Variants in FAF2 observed in about 807,000 individuals in gnomAD.
FAF2 encodes Fas associated factor family member 2.
FAF2 carries 9 observed loss-of-function variants against 62.3 expected under a neutral mutation model. The observed-to-expected ratio is 0.14, with a 90% CI of 0.09 to 0.25. FAF2 has a LOEUF of 0.25. Ranked by LOEUF, FAF2 falls within the 10% of genes least tolerant of loss-of-function variation. FAF2 has a pLI of 1.00. For synonymous variants in FAF2, 202 were observed against 198.0 expected, an observed-to-expected ratio of 1.02 and a Z score of -0.17; for missense variants, 368 against 556.2, an observed-to-expected ratio of 0.66 and a Z score of 3.40.
intron 9 of FAF2, among the ~76,000 whole-genome samples, chr5:176,499,526 T>C (rs1023772663): frequency 6.6e-6 from 1 of 152,210 alleles, no homozygotes; most frequent in Non-Finnish European, 1.5e-5. Context: ...TTTTGTTCCC[T>C]AGCAATCAGA....
At chr5:176,485,769 G>T (rs1758864948) in intron 2 of FAF2, among the ~76,000 whole-genome samples, 1 of 151,628 alleles carries the variant, frequency 6.6e-6, no homozygotes, top group Non-Finnish European at 1.5e-5. Flanking sequence ...TCGTTTCATT[G>T]CCCTGGCTGG....
chr5:176,498,837 A>G (rs1755542765), intron 8 of FAF2, 77 bp from the exon 9 acceptor site: 8 of 1,346,580 alleles, frequency 5.9e-6, no homozygotes, highest in Non-Finnish European at 6.9e-6. Context: ...ACACACACAC[A>G]GAAGATTTCA....
At chr5:176,503,793 C>T (rs1755633615) in intron 10 of FAF2, among the ~76,000 whole-genome samples, 1 of 152,152 alleles carries the variant, frequency 6.6e-6, no homozygotes. Context: ...TTTTTCTGTC[C>T]ATTGCAAACC....
intron 8 of FAF2, among the ~76,000 whole-genome samples, chr5:176,498,079 G>A (rs1755529005): frequency 6.6e-6 from 1 of 152,260 alleles, no homozygotes; most frequent in South Asian, 2.1e-4. Flanking sequence ...GCTGCAGTGA[G>A]TCATGATCGC....
intron 4 of FAF2, among the ~76,000 whole-genome samples, 197 bp from the exon 5 acceptor site, chr5:176,491,997 A>G (rs1758977401): frequency 6.6e-6 from 1 of 152,226 alleles, no homozygotes; most frequent in Admixed American, 6.5e-5. Flanking sequence ...CTTCCTGAAC[A>G]GGCAATAGAA....
In FAF2 at chr5:176,448,437, C is replaced by T. The variant is rs933507545; in HGVS notation, c.30C>T (p.Thr10=). 6.2e-7 allele frequency: 1 copy of T among 1,607,356 alleles called. No homozygotes were observed. Among genetic ancestry groups the T allele is most frequent in the African/African-American group, 1.3e-5 (1 of 74,876 alleles). ...CGGCGCCTGAGGAGCGGGATCTAAC[C>T]CAGGAGCAGACAGAGAAGCTGCTGC... is the stretch of plus-strand genomic sequence containing the variant. MAAPEERDL[T]QEQTEKLLQF... Residue 10 remains threonine (T), a synonymous_variant, in exon 1 of 11, where the codon ACC becomes ACT. Transcript: ENST00000261942.
intron 1 of FAF2, among the ~76,000 whole-genome samples, chr5:176,476,550 G>A (rs1392414623): frequency 2.0e-5 from 3 of 151,592 alleles, no homozygotes; most frequent in African/African-American, 7.3e-5. Context: ...GCACATAAGA[G>A]ACGTAGAAAA....
chr5:176,486,197 C>T (rs543929359), intron 2 of FAF2, among the ~76,000 whole-genome samples, 158 bp from the exon 3 acceptor site: 104 of 152,336 alleles, frequency 6.8e-4, no homozygotes, highest in Non-Finnish European at 1.3e-3. Context: ...CCTCCAAGTA[C>T]AGCCGGTTAA....
intron 2 of FAF2, among the ~76,000 whole-genome samples, chr5:176,482,475 AT>A (rs1247339647): frequency 6.6e-6 from 1 of 152,060 alleles, no homozygotes. Flanking sequence ...GGCCTCCCAA[AT>A]TCCTGGAATT....
chr5:176,500,614 A>G (rs1057053331), intron 10 of FAF2, among the ~76,000 whole-genome samples: 12 of 152,040 alleles, frequency 7.9e-5, no homozygotes, highest in Non-Finnish European at 1.8e-4. Context: ...CTCTCTTTCT[A>G]CTCAGCCCAA....
Position 176,479,097 on chromosome 5 carries a change from G to A in FAF2, c.64-91G>A. Reference sequence around the variant, plus strand: ...TAACACTCACTTTTAACATTTTTTAGTGTATTTTCCTAGCAGTATATGGCG... The same window carrying A: ...TAACACTCACTTTTAACATTTTTTAATGTATTTTCCTAGCAGTATATGGCG... On this transcript the variant is annotated intron_variant, in intron 1 of 10. Transcript: ENST00000261942. The A allele has an allele frequency of 9.2e-6, 9 of 976,044 alleles. 1 individual carries two copies. In the South Asian group the frequency reaches 1.0e-4, roughly 11 times the overall value. The allele number at this position is 976,044 out of a possible 1,614,324, so 60.5% of individuals were successfully genotyped here.
chr5:176,475,537 G>A (rs987768688), intron 1 of FAF2, among the ~76,000 whole-genome samples: 5 of 152,196 alleles, frequency 3.3e-5, no homozygotes, highest in Non-Finnish European at 5.9e-5. Context: ...AACACTTTGG[G>A]AGGCCGAGGC....
intron 2 of FAF2, among the ~76,000 whole-genome samples, chr5:176,483,864 C>T (rs1040256728): frequency 1.3e-5 from 2 of 152,070 alleles, no homozygotes; most frequent in African/African-American, 2.4e-5. Flanking sequence ...ATCACGAGGT[C>T]GGGAATTTAA....
At chr5:176,464,487 CTTTTTT>C (rs142550204) in intron 1 of FAF2, among the ~76,000 whole-genome samples, 7 of 80,026 alleles carry the variant, frequency 8.7e-5, no homozygotes, top group Admixed American at 3.0e-4. Context: ...CAAGCTGATT[CTTTTTT>C]TTTTTTTTTT....
Position 176,494,053 on chromosome 5 carries a change from G to T in FAF2, c.538G>T (p.Asp180Tyr), listed in dbSNP as rs1171705627. The change falls in exon 6 of 11, where the codon GAT (aspartate) becomes TAT (tyrosine). Residue 180 changes from aspartate to tyrosine, a missense_variant. Physicochemically the swap from Asp to Tyr is radical, Grantham distance 160. Transcript: ENST00000261942. The surrounding 1 kb of genome is among the most constrained non-coding windows in gnomAD (Gnocchi z 4.0). ...LRFLLVYLHG[D>Y]DHQDSDEFCR... ...CTTTCTTTTGGTTTATCTTCATGGAGATGATCACCAGGACTCTGATGAGTT... is the reference window on the plus strand; with the variant it reads ...CTTTCTTTTGGTTTATCTTCATGGATATGATCACCAGGACTCTGATGAGTT... The T allele has an allele frequency of 6.2e-7, 1 of 1,614,068 alleles. No individual in the cohort carries two copies. The highest frequency in any genetic ancestry group is 1.1e-5 in the South Asian group (1 of 91,080).
chr5:176,462,353 C>T (rs145597081), intron 1 of FAF2, among the ~76,000 whole-genome samples: 1 of 152,020 alleles, frequency 6.6e-6, no homozygotes, highest in African/African-American at 2.4e-5. Flanking sequence ...ATAGACTGCA[C>T]AGTGGCTCAT....
At chr5:176,454,042 A>G (rs146346204) in intron 1 of FAF2, among the ~76,000 whole-genome samples, 1,498 of 147,688 alleles carry the variant, frequency 0.01, 24 homozygotes, top group African/African-American at 0.034. Context: ...GGCAAGAGCG[A>G]GACTCTAAAA....
chr5:176,486,206 A>G (rs1758871163), intron 2 of FAF2, 149 bp from the exon 3 acceptor site: 3 of 870,970 alleles, frequency 3.4e-6, no homozygotes, highest in Admixed American at 2.9e-5. Flanking sequence ...ACAGCCGGTT[A>G]ACAGGCCCAT....
At chr5:176,455,360 C>G (rs1758262760) in intron 1 of FAF2, among the ~76,000 whole-genome samples, 1 of 152,028 alleles carries the variant, frequency 6.6e-6, no homozygotes, top group Non-Finnish European at 1.5e-5. Context: ...GAGGTGGGAG[C>G]ATCACCTTAG....
Sources: gnomAD v4.1 joint callset for allele counts (sites outside exome capture counted in the v4.1 genomes callset) on GRCh38, gnomAD v4.1.1 for gene constraint, Gnocchi (gnomAD v3.1) non-coding constraint, MANE v1.5 for transcripts, NCBI Gene and HGNC (gene_info 2026-07-23, HGNC 2026-07-21) for gene names.